Variants in CSMD3 observed in about 807,000 individuals in gnomAD.
CSMD3 encodes CUB and sushi domain-containing protein 3.
A neutral mutation model predicts 435.2 loss-of-function variants in CSMD3; 177 were observed. The observed-to-expected ratio is 0.41, with a 90% CI of 0.36 to 0.46. The LOEUF is 0.46. CSMD3 is among the 20% of genes least tolerant of loss of function. CSMD3 has a pLI of 0.34. For missense variants in CSMD3, 4,265 were observed against 4,504.6 expected (o/e 0.95, Z 1.52); for synonymous variants, 1,656 against 1,520.5 (o/e 1.09, Z -2.07).
intron 32 of CSMD3, among the ~76,000 whole-genome samples, chr8:112,424,759 T>C (rs759533310): frequency 5.3e-5 from 8 of 152,312 alleles, no homozygotes; most frequent in Middle Eastern, 3.4e-3. Flanking sequence ...TGGCGTGATC[T>C]CGGCTCACTG....
chr8:113,332,385 C>G (rs999618408), intron 1 of CSMD3, among the ~76,000 whole-genome samples: 1 of 147,568 alleles, frequency 6.8e-6, no homozygotes, highest in African/African-American at 2.5e-5. Flanking sequence ...ATATAGAAAA[C>G]CCTAAAAAAC....
intron 10 of CSMD3, among the ~76,000 whole-genome samples, chr8:112,860,793 C>G (rs1357371975): frequency 6.6e-6 from 1 of 151,766 alleles, no homozygotes; most frequent in Non-Finnish European, 1.5e-5. Flanking sequence ...ATTATTTGTT[C>G]TTGTTTTATT....
chr8:113,209,856 T>G (rs191390792), intron 3 of CSMD3, among the ~76,000 whole-genome samples: 1 of 152,256 alleles, frequency 6.6e-6, no homozygotes, highest in South Asian at 2.1e-4. Context: ...TAATCATGGT[T>G]ACATTCATTT....
intron 27 of CSMD3, among the ~76,000 whole-genome samples, chr8:112,534,220 T>C (rs1293341039): frequency 6.6e-6 from 1 of 152,014 alleles, no homozygotes; most frequent in Non-Finnish European, 1.5e-5. Flanking sequence ...CTTCAAAAAA[T>C]TAATGAATCC....
chr8:112,581,917 T>C (rs1272131280), intron 23 of CSMD3, among the ~76,000 whole-genome samples: 2 of 151,888 alleles, frequency 1.3e-5, no homozygotes, highest in Non-Finnish European at 2.9e-5. Flanking sequence ...CTGAAGGAAA[T>C]GAGGGACACA....
chr8:112,724,948 T>C (rs763699739), intron 13 of CSMD3, among the ~76,000 whole-genome samples: 4 of 152,034 alleles, frequency 2.6e-5, no homozygotes, highest in Non-Finnish European at 5.9e-5. Flanking sequence ...CTATTAGACT[T>C]AGCAATGTAG....
chr8:112,624,525 A>G (rs566633652), intron 22 of CSMD3, among the ~76,000 whole-genome samples: 125 of 152,200 alleles, frequency 8.2e-4, no homozygotes, highest in African/African-American at 2.7e-3. Context: ...AGACAAATCT[A>G]TTCTTTACAT....
At chr8:112,957,160 A>T (rs931527358) in intron 7 of CSMD3, among the ~76,000 whole-genome samples, 4 of 152,142 alleles carry the variant, frequency 2.6e-5, no homozygotes, top group Middle Eastern at 3.2e-3. Context: ...TATATACCAT[A>T]AAATATAGAT....
At chr8:112,442,625 T>C (rs919365463) in intron 32 of CSMD3, among the ~76,000 whole-genome samples, 2 of 152,144 alleles carry the variant, frequency 1.3e-5, no homozygotes, top group Non-Finnish European at 2.9e-5. Context: ...TTTGTCTTTT[T>C]AGTTTTAAGT....
intron 3 of CSMD3, among the ~76,000 whole-genome samples, chr8:113,235,610 A>T (rs2093139018): frequency 6.6e-6 from 1 of 152,136 alleles, no homozygotes; most frequent in African/African-American, 2.4e-5. Context: ...GATTGGATTA[A>T]GGAAGACAGA....
In CSMD3 at chr8:113,046,049, T is replaced by A. The variant is rs765427092; in HGVS notation, c.918-26870A>T. Among the ~76,000 whole-genome samples the A allele has an allele frequency of 7.8e-4, 116 of 149,530 alleles. 10 individuals carry two copies. Among genetic ancestry groups the A allele is most frequent in the Non-Finnish European group, 1.1e-3 (71 of 66,466 alleles). ...CAAACAAACAAACCTTTTATTGAAG[T>A]AATTCCAGAAAAAGAAACTCTGGAT... On this transcript the variant is annotated intron_variant, in intron 5 of 70. Transcript: ENST00000297405.
At chr8:113,034,876 A>C (rs2087273408) in intron 5 of CSMD3, among the ~76,000 whole-genome samples, 1 of 152,132 alleles carries the variant, frequency 6.6e-6, no homozygotes. Context: ...ATTCATCAAT[A>C]AATTTTAACT....
At chr8:112,780,549 CA>C (rs1041070725) in intron 13 of CSMD3, among the ~76,000 whole-genome samples, 1 of 151,964 alleles carries the variant, frequency 6.6e-6, no homozygotes, top group African/African-American at 2.4e-5. Flanking sequence ...AATATCATGT[CA>C]AGGAAAGAGA....
intron 13 of CSMD3, 51 bp from the exon 14 acceptor site, chr8:112,690,101 T>A (rs775327455): frequency 7.7e-7 from 1 of 1,300,050 alleles, no homozygotes; most frequent in Admixed American, 1.7e-5. Flanking sequence ...AGGCATATGA[T>A]ACCCATAATA....
chr8:112,531,259 C>T (rs1226364683), intron 27 of CSMD3, among the ~76,000 whole-genome samples: 2 of 152,184 alleles, frequency 1.3e-5, no homozygotes, highest in Admixed American at 6.6e-5. Flanking sequence ...AGATCCACCC[C>T]ATGCTAGAAG....
chr8:112,747,732 T>G (rs1363948757), intron 13 of CSMD3, among the ~76,000 whole-genome samples: 1 of 152,036 alleles, frequency 6.6e-6, no homozygotes, highest in Non-Finnish European at 1.5e-5. Context: ...TCCCAGCACT[T>G]TGGGAGGCCG....
At chr8:113,362,376 C>T (rs1376001226) in intron 1 of CSMD3, among the ~76,000 whole-genome samples, 1 of 152,002 alleles carries the variant, frequency 6.6e-6, no homozygotes, top group African/African-American at 2.4e-5. Context: ...GTTGGGGAAC[C>T]TCCAAGATCA....
intron 3 of CSMD3, among the ~76,000 whole-genome samples, chr8:113,202,071 A>T (rs2092721335): frequency 6.6e-6 from 1 of 152,098 alleles, no homozygotes; most frequent in Admixed American, 6.6e-5. Flanking sequence ...GCTTTCACAA[A>T]ATTGTAAATT....
chr8:113,221,418 G>A (rs752160693), intron 3 of CSMD3, among the ~76,000 whole-genome samples: 40 of 149,800 alleles, frequency 2.7e-4, no homozygotes, highest in Non-Finnish European at 4.8e-4. Flanking sequence ...TAAAGCAAAT[G>A]GTGTAAAATG....
Sources: gnomAD v4.1 joint callset for allele counts (sites outside exome capture counted in the v4.1 genomes callset) on GRCh38, gnomAD v4.1.1 for gene constraint, MANE v1.5 for transcripts, NCBI Gene and HGNC (gene_info 2026-07-23, HGNC 2026-07-21) for gene names.